Variants in RGS9 observed in about 807,000 individuals in gnomAD.
The protein encoded by RGS9 is regulator of G protein signaling 9, also known as regulator of G-protein signalling 9.
RGS9 carries 78 observed loss-of-function variants against 102.0 expected under a neutral mutation model. The ratio of observed to expected loss-of-function variants is 0.76; its 90% CI spans 0.64 to 0.92. The LOEUF (loss-of-function observed/expected upper bound fraction) is 0.92, where lower values mean the gene tolerates loss of function less well. Ranked by LOEUF, RGS9 falls within the 40% of genes least tolerant of loss-of-function variation. The pLI is 0.00. For missense variants in RGS9, 833 were observed against 866.1 expected (o/e 0.96, Z 0.48); for synonymous variants, 353 against 318.6 (o/e 1.11, Z -1.15).
chr17:65,197,946 C>T (rs1319704144), intron 13 of RGS9, among the ~76,000 whole-genome samples: 1 of 152,224 alleles, frequency 6.6e-6, no homozygotes, highest in Non-Finnish European at 1.5e-5. Flanking sequence ...GCTAGGATTA[C>T]AGGCGTGAGC....
chr17:65,211,575 C>T (rs1040803406), intron 17 of RGS9, among the ~76,000 whole-genome samples: 5 of 139,256 alleles, frequency 3.6e-5, no homozygotes, highest in African/African-American at 5.3e-5. Context: ...GAGGTCAGCC[C>T]TGTGGTCAGG....
Position 65,176,862 on chromosome 17 carries a change from G to A in RGS9, c.583-870G>A, listed in dbSNP as rs569280806. Among the ~76,000 whole-genome samples, 7 of 147,134 alleles carry A rather than the reference G, an allele frequency of 4.8e-5. No individual in the cohort carries two copies. The East Asian group carries it at 1.4e-3, about 29-fold the overall frequency. On this transcript the variant is annotated intron_variant, in intron 8 of 18. Transcript: ENST00000262406. ...CCCTCCATCTATACATCCCACTATG[G>A]TGCTGAGTTTGCCATTCATCTGTCC... is the stretch of plus-strand genomic sequence containing the variant.
intron 1 of RGS9, among the ~76,000 whole-genome samples, chr17:65,149,044 C>T (rs1910477737): frequency 6.6e-6 from 1 of 151,942 alleles, no homozygotes; most frequent in African/African-American, 2.4e-5. Context: ...TCATTGCAAC[C>T]TCTGCCTCCC....
intron 1 of RGS9, among the ~76,000 whole-genome samples, chr17:65,143,759 A>G (rs1169116597): frequency 6.8e-6 from 1 of 146,348 alleles, no homozygotes; most frequent in Non-Finnish European, 1.5e-5. Context: ...GTGCCACTGC[A>G]CTCCAGCCTG....
chr17:65,153,502 T>A lies in RGS9; in HGVS notation c.138T>A (p.Val46=). ...ACCAGAGGGTCCTGGTCACCAGCGT[T>A]CCTCATGCCATGACAGGTGATGTAG... is the stretch of plus-strand genomic sequence containing the variant. ...MQNQRVLVTS[V]PHAMTGSDVL... Residue 46 remains valine, a synonymous_variant, in exon 2 of 19, where the codon GTT becomes GTA. Transcript: ENST00000262406. 6.2e-7 allele frequency: 1 copy of A among 1,613,984 alleles called. No homozygotes were observed. Among genetic ancestry groups the A allele is most frequent in the South Asian group, 1.1e-5 (1 of 91,088 alleles).
chr17:65,189,199 G>C, intron 9 of RGS9, 87 bp from the exon 10 acceptor site: 1 of 1,156,986 alleles, frequency 8.6e-7, no homozygotes, highest in Non-Finnish European at 1.3e-6. Context: ...TTTTCTCATG[G>C]GGAAGGATTT....
chr17:65,182,532 CATCCTGCCTG>C (rs1424140364), intron 9 of RGS9, among the ~76,000 whole-genome samples: 1 of 152,278 alleles, frequency 6.6e-6, no homozygotes, highest in African/African-American at 2.4e-5. Flanking sequence ...GCCCACTCCA[CATCCTGCCTG>C]ATGTTTTCTA....
chr17:65,193,622 G>A lies in RGS9; in HGVS notation c.826G>A (p.Asp276Asn). 3.7e-6 allele frequency: 6 copies of A among 1,613,564 alleles called. No homozygotes were observed. The highest frequency in any genetic ancestry group is 2.2e-5 in the South Asian group (2 of 91,060). ...CCTCCCCAGCAACCCCTGGATCACCGATGACACCCAGTTCTGGGACTTAAA... is the reference window on the plus strand; with the variant it reads ...CCTCCCCAGCAACCCCTGGATCACCAATGACACCCAGTTCTGGGACTTAAA... ...GCLPSNPWIT[D>N]DTQFWDLNAK... The change falls in exon 12 of 19, where the codon GAT (aspartate) becomes AAT (asparagine). Residue 276 changes from aspartate (D) to asparagine (N), a missense_variant. Asp to Asn is a conservative substitution (Grantham distance 23). Around this residue, in one of 3 missense-constraint regions of RGS9, gnomAD observed 328 missense variants for 340.6 expected, o/e 0.96. Coordinates refer to ENST00000262406, the MANE Select transcript of RGS9 (RefSeq NM_003835.4).
At chr17:65,171,080 C>T (rs79093122) in intron 8 of RGS9, among the ~76,000 whole-genome samples, 6,304 of 152,228 alleles carry the variant, frequency 0.041, 432 homozygotes, top group African/African-American at 0.14. Flanking sequence ...CACTTGGCGC[C>T]GTGGAGTGTC....
At chr17:65,179,922 G>A (rs1911800606) in intron 9 of RGS9, 1 of 152,216 alleles carries the variant, frequency 6.6e-6, no homozygotes, top group Non-Finnish European at 1.5e-5. Flanking sequence ...CCTTTGCCAT[G>A]GTGGGGTGTG....
In RGS9 at chr17:65,197,126, G is replaced by A; in HGVS notation, c.861G>A (p.Leu287=). The A allele has an allele frequency of 6.2e-7, 1 of 1,610,630 alleles. No individual in the cohort carries two copies. The highest frequency in any genetic ancestry group is 8.5e-7 in the Non-Finnish European group (1 of 1,177,476). The change falls in exon 13 of 19, where the codon TTG becomes TTA. Residue 287 remains leucine (L), a splice_region_variant and synonymous_variant. Transcript: ENST00000262406. ...GTGCATTTACAAATCATCCTTGCAG[G>A]GTGGAAATCCCAACCAAGATGCGAG... ...DTQFWDLNAK[L]VEIPTKMRVE... is the part of the protein sequence containing the mutation.
In RGS9 at chr17:65,163,044, A is replaced by G. The variant is rs373049626; in HGVS notation, c.455A>G (p.Asn152Ser). 1.4e-4 allele frequency: 223 copies of G among 1,600,682 alleles called. 1 individual carries two copies. The highest frequency in any genetic ancestry group is 1.9e-4 in the Non-Finnish European group (219 of 1,170,128). ...TACAATTTCTTGAACCAAAAAATGA[A>G]CTATAAGTGGGACTTTGTCATTATG... ...ENYNFLNQKM[N>S]YKWDFVIMQA... Residue 152 changes from asparagine to serine, a missense_variant, in exon 7 of 19, where the codon AAC becomes AGC. This residue lies in a region of RGS9 where 328 missense variants were observed against 340.6 expected (regional missense o/e 0.96). Transcript: ENST00000262406.
chr17:65,202,260 G>T (rs1912878152), intron 14 of RGS9, among the ~76,000 whole-genome samples, 180 bp downstream of exon 14: 1 of 152,084 alleles, frequency 6.6e-6, no homozygotes, highest in South Asian at 2.1e-4. Context: ...GGGAGGTTTG[G>T]GGGTTCCCTG....
chr17:65,216,805 A>G (rs1246390648), intron 17 of RGS9, among the ~76,000 whole-genome samples: 1 of 152,160 alleles, frequency 6.6e-6, no homozygotes, highest in Non-Finnish European at 1.5e-5. Context: ...TCGAGTTTGC[A>G]TTTTAGCTGG....
At chr17:65,198,220 G>T (rs1262934575) in intron 13 of RGS9, among the ~76,000 whole-genome samples, 2 of 151,140 alleles carry the variant, frequency 1.3e-5, no homozygotes, top group Admixed American at 1.3e-4. Flanking sequence ...GCCACATTTT[G>T]TCCCATCTCT....
At chr17:65,197,666 T>A (rs1912648901) in intron 13 of RGS9, among the ~76,000 whole-genome samples, 1 of 151,982 alleles carries the variant, frequency 6.6e-6, no homozygotes, top group Admixed American at 6.6e-5. Flanking sequence ...TTTTCTTTGT[T>A]TCTTTCTTTT....
chr17:65,177,371 C>T (rs1174694461), intron 8 of RGS9, among the ~76,000 whole-genome samples: 1 of 151,756 alleles, frequency 6.6e-6, no homozygotes, highest in African/African-American at 2.4e-5. Context: ...CAACCATCTA[C>T]CCGCCACCCA....
At chr17:65,203,505 A>T (rs2144095327) in intron 14 of RGS9, among the ~76,000 whole-genome samples, 1 of 152,316 alleles carries the variant, frequency 6.6e-6, no homozygotes, top group South Asian at 2.1e-4. Context: ...ATTTTAATGT[A>T]CATCTTAGAA....
chr17:65,221,947 T>C (rs1353613026), intron 17 of RGS9, among the ~76,000 whole-genome samples: 1 of 152,198 alleles, frequency 6.6e-6, no homozygotes, highest in Non-Finnish European at 1.5e-5. Context: ...CTTCAACATA[T>C]ACATTTTGTG....
Sources: allele counts gnomAD v4.1 joint callset (sites outside exome capture counted in the v4.1 genomes callset), GRCh38; gene constraint gnomAD v4.1.1; regional missense constraint gnomAD v4.1.1; transcripts MANE v1.5; gene names NCBI Gene and HGNC (gene_info 2026-07-23, HGNC 2026-07-21).